The following ZNF485 variants were observed in gnomAD, a reference collection of about 807,000 sequenced individuals.
ZNF485 encodes the protein zinc finger protein 485.
A neutral mutation model predicts 10.8 loss-of-function variants in ZNF485; 9 were observed. That is an observed-to-expected ratio of 0.83 (90% CI 0.50 to 1.45). ZNF485 has a LOEUF of 1.45. Among genes scored for constraint, ZNF485 ranks in the 40% most tolerant of loss-of-function variants. ZNF485 has a pLI of 0.00. For missense variants in ZNF485, 487 were observed against 528.0 expected, an observed-to-expected ratio of 0.92 and a Z score of 0.76; for synonymous variants, 187 against 181.0, an observed-to-expected ratio of 1.03 and a Z score of -0.27.
intron 4 of ZNF485, among the ~76,000 whole-genome samples, chr10:43,615,129 A>C (rs561819694): frequency 6.6e-6 from 1 of 152,362 alleles, no homozygotes; most frequent in Middle Eastern, 3.4e-3. Context: ...TATCCATTGC[A>C]TGGAATTTCT....
At chr10:43,613,613 A>C (rs545845866) in intron 4 of ZNF485, among the ~76,000 whole-genome samples, 1 of 152,314 alleles carries the variant, frequency 6.6e-6, no homozygotes, top group Admixed American at 6.5e-5. Flanking sequence ...TTACATTCAG[A>C]TGCATATATG....
intron 2 of ZNF485, among the ~76,000 whole-genome samples, 194 bp from the exon 3 acceptor site, chr10:43,608,420 G>A (rs1838696390): frequency 6.6e-6 from 1 of 152,220 alleles, no homozygotes; most frequent in African/African-American, 2.4e-5. Flanking sequence ...CTGGAGGAGG[G>A]AGCAGGACAG....
At chr10:43,609,571 T>C (rs1838728394) in intron 4 of ZNF485, among the ~76,000 whole-genome samples, 1 of 152,230 alleles carries the variant, frequency 6.6e-6, no homozygotes, top group African/African-American at 2.4e-5. Context: ...ATCTGTGCCA[T>C]CTCCCAGCCT....
Position 43,607,004 on chromosome 10 carries a change from T to C in ZNF485, c.-47T>C. 1 of 1,551,434 alleles carries C rather than the reference T, an allele frequency of 6.4e-7. No individual in the cohort carries two copies. Among genetic ancestry groups the C allele is most frequent in the Non-Finnish European group, 8.7e-7 (1 of 1,146,718 alleles). On this transcript the variant is annotated 5_prime_UTR_variant, in exon 2 of 5. Coordinates refer to ENST00000361807, the MANE Select transcript of ZNF485 (RefSeq NM_145312.4). The stretch of plus-strand genomic sequence containing the variant: ...TCCTCTCTTCTTTCCCAGATTGACT[T>C]ACGCAGGATTCTCAGCCCTTGCCTG...
At chr10:43,613,998 G>C (rs1010443410) in intron 4 of ZNF485, among the ~76,000 whole-genome samples, 3 of 152,172 alleles carry the variant, frequency 2.0e-5, no homozygotes, top group African/African-American at 7.2e-5. Flanking sequence ...CGGATCACCT[G>C]AGGTCAGGAG....
intron 4 of ZNF485, among the ~76,000 whole-genome samples, chr10:43,612,756 A>T (rs1362983087): frequency 6.6e-6 from 1 of 151,586 alleles, no homozygotes; most frequent in African/African-American, 2.4e-5. Context: ...TTTCCCCTTT[A>T]TTAGCTCTGT....
intron 2 of ZNF485, chr10:43,607,280 G>GA: frequency 1.6e-6 from 1 of 639,344 alleles, no homozygotes; most frequent in Non-Finnish European, 2.7e-6. Context: ...TAGAGTGCTA[G>GA]AAACAGAAAA....
rs766292695 is a variant in ZNF485 at position 43,616,884 on chromosome 10, G to A, written c.841G>A (p.Asp281Asn). ...KCNKCGRAFR[D>N]NSTVLEHQKI... ...TAACAAGTGTGGGAGAGCTTTCAGG[G>A]ATAATTCAACTGTGTTGGAACATCA... Residue 281 changes from aspartate to asparagine, a missense_variant, in exon 5 of 5, where the codon GAT (aspartate) becomes AAT (asparagine). By Grantham distance (23) the Asp-to-Asn change is conservative. Coordinates refer to ENST00000361807, the MANE Select transcript of ZNF485 (RefSeq NM_145312.4). The A allele has an allele frequency of 1.2e-6, 2 of 1,614,066 alleles. No homozygotes were observed.
In ZNF485 at chr10:43,616,666, AT is replaced by A; in HGVS notation, c.625del (p.Ser209LeufsTer22). On this transcript the variant is annotated frameshift_variant, in exon 5 of 5. Transcript: ENST00000361807. LOFTEE classifies it low-confidence loss of function (END_TRUNC). ...ACGTTTATCAACCATCAGAGAATTC[AT>A]TCTAGGGAGAAACCCCACAAATGCA... ...HSTFINHQRI[H>X]SREKPHKCIE... 2 of 1,614,220 alleles carry A rather than the reference AT, an allele frequency of 1.2e-6. No homozygotes were observed. Among genetic ancestry groups the A allele is most frequent in the Non-Finnish European group, 1.7e-6 (2 of 1,180,046 alleles).
In ZNF485 at chr10:43,616,753, C is replaced by A. The variant is rs755647809; in HGVS notation, c.710C>A (p.Thr237Asn). The A allele has an allele frequency of 1.2e-6, 2 of 1,614,032 alleles. No individual in the cohort carries two copies. The highest frequency in any genetic ancestry group is 1.1e-5 in the South Asian group (1 of 91,090). ...SILLSHQRIH[T>N]GQKPYKCNDC... ...CTTTTAAGTCATCAGAGAATTCATA[C>A]TGGCCAGAAACCCTACAAATGTAAT... Residue 237 changes from threonine (T) to asparagine (N), a missense_variant, in exon 5 of 5, where the codon ACT (threonine) becomes AAT (asparagine). By Grantham distance (65) the Thr-to-Asn change is moderately conservative. Transcript: ENST00000361807.
intron 4 of ZNF485, among the ~76,000 whole-genome samples, chr10:43,613,949 C>G (rs1213465226): frequency 6.6e-6 from 1 of 152,188 alleles, no homozygotes; most frequent in Non-Finnish European, 1.5e-5. Context: ...CATGGTGGCT[C>G]ACGCCTGTAA....
chr10:43,610,462 C>T (rs1322381420), intron 4 of ZNF485, among the ~76,000 whole-genome samples: 1 of 152,158 alleles, frequency 6.6e-6, no homozygotes, highest in African/African-American at 2.4e-5. Context: ...GGGTGGGATG[C>T]TTTTGAAGTA....
At chr10:43,609,827 C>T (rs538230607) in intron 4 of ZNF485, among the ~76,000 whole-genome samples, 24 of 152,256 alleles carry the variant, frequency 1.6e-4, no homozygotes, top group African/African-American at 4.6e-4. Context: ...TACAGGCGTC[C>T]ACCACAATGC....
At chr10:43,609,794 C>G (rs1588839634) in intron 4 of ZNF485, among the ~76,000 whole-genome samples, 2 of 152,068 alleles carry the variant, frequency 1.3e-5, no homozygotes, top group African/African-American at 2.4e-5. Flanking sequence ...TGCCTCAGGC[C>G]CCTGAGTAGG....
intron 4 of ZNF485, among the ~76,000 whole-genome samples, chr10:43,615,767 C>T (rs1838846552): frequency 6.6e-6 from 1 of 152,156 alleles, no homozygotes; most frequent in African/African-American, 2.4e-5. Flanking sequence ...GGCCTGAGAA[C>T]TATTTTTGTT....
At chr10:43,613,632 C>T (rs1175585402) in intron 4 of ZNF485, among the ~76,000 whole-genome samples, 1 of 152,200 alleles carries the variant, frequency 6.6e-6, no homozygotes, top group Non-Finnish European at 1.5e-5. Context: ...TGGCATTTTC[C>T]AGCTTTTGGC....
At chr10:43,613,953 C>T (rs1588841595) in intron 4 of ZNF485, among the ~76,000 whole-genome samples, 1 of 152,298 alleles carries the variant, frequency 6.6e-6, no homozygotes, top group Admixed American at 6.5e-5. Flanking sequence ...GTGGCTCACG[C>T]CTGTAATCCC....
intron 4 of ZNF485, among the ~76,000 whole-genome samples, chr10:43,614,213 CA>C (rs79081832): frequency 0.016 from 1,926 of 123,576 alleles, 24 homozygotes; most frequent in African/African-American, 0.043. Context: ...GACTCCGTAT[CA>C]AAAAAAAAAA....
At position 43,609,236 on chromosome 10, in the gene ZNF485, C is replaced by G; in HGVS notation, c.152-19C>G. The G allele has an allele frequency of 6.3e-7, 1 of 1,588,774 alleles. No individual in the cohort carries two copies. The highest frequency in any genetic ancestry group is 8.6e-7 in the Non-Finnish European group (1 of 1,162,566). On this transcript the variant is annotated intron_variant, in intron 3 of 4. Transcript: ENST00000361807. ...CATTTTTTTTTTCTTCCTCTAAGAT[C>G]CTTTTTCTTTATGAACAGGGCTTCT...
Sources: gnomAD v4.1 joint callset for allele counts (sites outside exome capture counted in the v4.1 genomes callset) on GRCh38, gnomAD v4.1.1 for gene constraint, MANE v1.5 for transcripts, NCBI Gene and HGNC (gene_info 2026-07-23, HGNC 2026-07-21) for gene names.